Variants in IGSF11 observed in about 807,000 individuals in gnomAD.
IGSF11 encodes CXADR like 1.
In IGSF11, 22 loss-of-function variants were observed where a neutral mutation model predicts 41.0. That is an observed-to-expected ratio of 0.54 (90% CI 0.38 to 0.77). IGSF11 has a LOEUF of 0.77. IGSF11 is among the 30% of genes least tolerant of loss of function. The pLI, the probability that IGSF11 is intolerant of heterozygous loss-of-function variation, is 0.00. For missense variants in IGSF11, 444 were observed against 530.8 expected, an observed-to-expected ratio of 0.84 and a Z score of 1.61; for synonymous variants, 219 against 201.3, an observed-to-expected ratio of 1.09 and a Z score of -0.74.
At chr3:119,055,852 A>G (rs989237021) in intron 1 of IGSF11, among the ~76,000 whole-genome samples, 2 of 152,236 alleles carry the variant, frequency 1.3e-5, no homozygotes, top group African/African-American at 4.8e-5. Context: ...GAAACTGAAC[A>G]ACCTGCTCCT....
chr3:119,120,439 G>A (rs2077316858), intron 1 of IGSF11, among the ~76,000 whole-genome samples: 1 of 152,262 alleles, frequency 6.6e-6, no homozygotes, highest in East Asian at 1.9e-4. Flanking sequence ...ATTTAGGAGT[G>A]GAAGGTTTAA....
intron 1 of IGSF11, among the ~76,000 whole-genome samples, chr3:119,065,014 T>G (rs1349783912): frequency 6.6e-6 from 1 of 152,192 alleles, no homozygotes. Flanking sequence ...CTTGCCTTAT[T>G]GTACTTCCTG....
chr3:119,040,441 C>CT (rs1159318302), intron 1 of IGSF11, among the ~76,000 whole-genome samples: 4 of 152,288 alleles, frequency 2.6e-5, no homozygotes, highest in Admixed American at 1.3e-4. Flanking sequence ...GTGAATTACT[C>CT]TTTCTCTATT....
chr3:118,965,929 C>A (rs1309967244), intron 1 of IGSF11, among the ~76,000 whole-genome samples: 1 of 151,094 alleles, frequency 6.6e-6, no homozygotes. Flanking sequence ...TGGATGAGTT[C>A]TGGGTATGGA....
chr3:118,991,060 T>C (rs1445580931), intron 1 of IGSF11, among the ~76,000 whole-genome samples: 1 of 152,174 alleles, frequency 6.6e-6, no homozygotes, highest in Non-Finnish European at 1.5e-5. Flanking sequence ...ATCCAGAGAA[T>C]TGCATCTCCT....
At chr3:119,024,865 A>C (rs1049740903) in intron 1 of IGSF11, among the ~76,000 whole-genome samples, 8 of 152,194 alleles carry the variant, frequency 5.3e-5, no homozygotes, top group African/African-American at 1.9e-4. Flanking sequence ...ACAGTGATTG[A>C]GGTAAAAAGA....
rs184397256 is a variant in IGSF11, at chr3:119,143,338, A to C, written c.-14+2475T>G. Among the ~76,000 whole-genome samples, 66 of 152,336 alleles carry C rather than the reference A, an allele frequency of 4.3e-4. 1 individual carries two copies. Among genetic ancestry groups the C allele is most frequent in the Admixed American group, 4.3e-3 (66 of 15,306 alleles). The stretch of plus-strand genomic sequence containing the variant: ...CAATAACACACAAAAAAGTAGAGAC[A>C]GACATGTATTATATAACAGCAGGGT... On this transcript the variant is annotated intron_variant, in intron 1 of 7. Coordinates refer to the IGSF11 transcript ENST00000425327.
chr3:119,074,560 T>G (rs1209635146), intron 1 of IGSF11, among the ~76,000 whole-genome samples: 2 of 150,804 alleles, frequency 1.3e-5, no homozygotes, highest in Admixed American at 6.6e-5. Context: ...ATCAAAAAGT[T>G]AGAAAGATCT....
chr3:118,983,865 C>CT (rs1469364144), intron 1 of IGSF11, among the ~76,000 whole-genome samples: 1 of 152,040 alleles, frequency 6.6e-6, no homozygotes, highest in African/African-American at 2.4e-5. Flanking sequence ...TTTTCTATGT[C>CT]TAAACAATTT....
chr3:119,025,749 T>A (rs1939758546), intron 1 of IGSF11, among the ~76,000 whole-genome samples: 1 of 152,078 alleles, frequency 6.6e-6, no homozygotes, highest in Non-Finnish European at 1.5e-5. Flanking sequence ...GTTAAATGTG[T>A]ACATCCAAAC....
upstream of IGSF11, among the ~76,000 whole-genome samples, chr3:119,038,180 G>A (rs1188349086): frequency 6.6e-6 from 1 of 152,076 alleles, no homozygotes; most frequent in African/African-American, 2.4e-5. Context: ...AAAGGAATGG[G>A]AAACAAAATA....
rs192254541 is a variant in IGSF11, at chr3:119,127,065, G to A, written c.-14+18748C>T. On this transcript the variant is annotated intron_variant, in intron 1 of 7. Coordinates refer to the IGSF11 transcript ENST00000425327. Reference sequence around the variant, plus strand: ...GACAGAAGTAGGCTTTGGAAGATGGGTACTAAAAAACTATGATGAGTTAAA... The same window carrying A: ...GACAGAAGTAGGCTTTGGAAGATGGATACTAAAAAACTATGATGAGTTAAA... Among the ~76,000 whole-genome samples, 9 of 152,152 alleles carry A rather than the reference G, an allele frequency of 5.9e-5. No homozygotes were observed. The East Asian group carries it at 1.7e-3, about 29-fold the overall frequency.
At chr3:119,077,133 C>T (rs926923869) in intron 1 of IGSF11, among the ~76,000 whole-genome samples, 1 of 152,060 alleles carries the variant, frequency 6.6e-6, no homozygotes, top group Non-Finnish European at 1.5e-5. Flanking sequence ...ATGGATGAAG[C>T]TGGAAATCAT....
At chr3:119,036,071 A>T (rs1338489772), upstream of IGSF11, among the ~76,000 whole-genome samples, 2 of 152,206 alleles carry the variant, frequency 1.3e-5, no homozygotes, top group Non-Finnish European at 2.9e-5. Context: ...CTTCTTTTTG[A>T]AAATGTGGAT....
intron 4 of IGSF11, among the ~76,000 whole-genome samples, chr3:118,906,787 G>A (rs778613403): frequency 1.3e-5 from 2 of 152,184 alleles, no homozygotes; most frequent in South Asian, 4.1e-4. Flanking sequence ...TTATTAGTAT[G>A]TTCCAGGCAT....
upstream of IGSF11, chr3:119,105,343 A>G: frequency 1.7e-6 from 1 of 580,594 alleles, no homozygotes. Context: ...ACAAAATATT[A>G]GGATGGAAAC....
chr3:118,913,653 G>A (rs949544442), intron 4 of IGSF11, among the ~76,000 whole-genome samples: 1 of 152,134 alleles, frequency 6.6e-6, no homozygotes, highest in Non-Finnish European at 1.5e-5. Context: ...CTACTGAAGG[G>A]TGTGTGTACT....
upstream of IGSF11, among the ~76,000 whole-genome samples, chr3:119,108,068 CG>C (rs1388751491): frequency 2.0e-5 from 3 of 150,488 alleles, no homozygotes; most frequent in Non-Finnish European, 4.4e-5. Context: ...CTTGGCAATG[CG>C]GGCTCTTTTT....
chr3:118,925,485 C>T (rs941521399), intron 4 of IGSF11, among the ~76,000 whole-genome samples: 3 of 152,028 alleles, frequency 2.0e-5, no homozygotes, highest in African/African-American at 7.3e-5. Flanking sequence ...TCTATATCTT[C>T]CCCTCATTTT....
Sources: allele counts gnomAD v4.1 joint callset (sites outside exome capture counted in the v4.1 genomes callset), GRCh38; gene constraint gnomAD v4.1.1; transcripts MANE v1.5; gene names NCBI Gene and HGNC (gene_info 2026-07-23, HGNC 2026-07-21).